Variants in MOSMO observed in about 807,000 individuals in gnomAD.
MOSMO encodes modulator of smoothened protein.
MOSMO carries 5 observed loss-of-function variants against 18.4 expected under a neutral mutation model. The ratio of observed to expected loss-of-function variants is 0.27; its 90% CI spans 0.14 to 0.57. The LOEUF (loss-of-function observed/expected upper bound fraction) is 0.57, where lower values mean the gene tolerates loss of function less well. MOSMO is among the 20% of genes least tolerant of loss of function. The pLI is 0.92. For missense variants in MOSMO, 138 were observed against 211.8 expected (o/e 0.65, Z 2.16); for synonymous variants, 82 against 82.3 (o/e 1.00, Z 0.02).
chr16:22,042,453 A>G (rs545876821), intron 1 of MOSMO, among the ~76,000 whole-genome samples: 1 of 152,284 alleles, frequency 6.6e-6, no homozygotes, highest in East Asian at 1.9e-4. Flanking sequence ...AACTTTATAT[A>G]TTTACTGTAT....
At chr16:22,090,052 T>C, downstream of MOSMO, 1 of 152,126 alleles carries the variant, frequency 6.6e-6, no homozygotes, top group East Asian at 1.9e-4. Context: ...ATGGGGCCAA[T>C]TTCACGTTCT....
chr16:22,008,542 G>C lies in MOSMO; in HGVS notation c.106+135G>C, dbSNP rs1012803037. The C allele has an allele frequency of 8.5e-6, 5 of 586,904 alleles. No homozygotes were observed. The African/African-American group carries it at 9.8e-5, about 11-fold the overall frequency. 36.4% of individuals were successfully genotyped at this position (586,904 alleles called of 1,614,324 possible). A position where few individuals can be genotyped will look rare whatever the true frequency, so the allele number is the denominator to read the frequency against. Reference sequence around the variant, plus strand: ...GCCTGAGGAGACCGGGGGCGGAGGGGAGACCCGGGCCGCGGAGGAAAGGGA... The same window carrying C: ...GCCTGAGGAGACCGGGGGCGGAGGGCAGACCCGGGCCGCGGAGGAAAGGGA... On this transcript the variant is annotated intron_variant, in intron 1 of 2. Transcript: ENST00000542527.
At chr16:22,086,201 AC>A (rs928879166), downstream of MOSMO, 2 of 152,224 alleles carry the variant, frequency 1.3e-5, no homozygotes, top group Admixed American at 6.5e-5. Context: ...GATACTCATA[AC>A]ACAAAAGAAA....
At chr16:22,077,045 T>A (rs1340730896) in intron 2 of MOSMO, among the ~76,000 whole-genome samples, 2 of 152,206 alleles carry the variant, frequency 1.3e-5, no homozygotes, top group Admixed American at 6.5e-5. Flanking sequence ...AGGATATTGA[T>A]GAGAAATTTA....
Position 22,077,279 on chromosome 16 carries a change from T to C in MOSMO, c.319+1580T>C, listed in dbSNP as rs539533340. Among the ~76,000 whole-genome samples, 48 of 152,296 alleles carry C rather than the reference T, an allele frequency of 3.2e-4. 1 individual carries two copies. Among genetic ancestry groups the C allele is most frequent in the Middle Eastern group, 6.8e-3 (2 of 294 alleles). ...TGAGCTATAGATTCTTATGACCCAA[T>C]AAAGGGAAAGAACTAGGATTATCTG... is the stretch of plus-strand genomic sequence containing the variant. On this transcript the variant is annotated intron_variant, in intron 2 of 2. Transcript: ENST00000542527.
chr16:22,008,551 G>A, intron 1 of MOSMO, 144 bp downstream of exon 1: 1 of 567,420 alleles, frequency 1.8e-6, no homozygotes, highest in South Asian at 2.2e-5. Flanking sequence ...GGAGACCCGG[G>A]CCGCGGAGGA....
At chr16:22,058,951 C>T (rs894295662) in intron 1 of MOSMO, among the ~76,000 whole-genome samples, 1 of 152,160 alleles carries the variant, frequency 6.6e-6, no homozygotes, top group Admixed American at 6.5e-5. Context: ...CTTGACAACT[C>T]TTTGGTGACG....
At chr16:22,086,093 T>C (rs999748084), downstream of MOSMO, 8 of 152,206 alleles carry the variant, frequency 5.3e-5, no homozygotes, top group African/African-American at 1.7e-4. Context: ...CATGTGGGCC[T>C]TGGACTTAAG....
chr16:22,030,480 A>T (rs1899970992), intron 1 of MOSMO, among the ~76,000 whole-genome samples: 1 of 152,192 alleles, frequency 6.6e-6, no homozygotes, highest in Non-Finnish European at 1.5e-5. Context: ...ATTATGCATC[A>T]GTACTTTTCT....
downstream of MOSMO, among the ~76,000 whole-genome samples, chr16:22,088,798 T>A: frequency 6.6e-6 from 1 of 152,166 alleles, no homozygotes; most frequent in East Asian, 1.9e-4. Context: ...ACAGCCAGGC[T>A]CCCTGACTTC....
At chr16:22,025,810 A>G (rs899007142) in intron 1 of MOSMO, among the ~76,000 whole-genome samples, 3 of 152,192 alleles carry the variant, frequency 2.0e-5, no homozygotes, top group Admixed American at 6.5e-5. Context: ...CCTGGCATTA[A>G]ATGATGCTGG....
chr16:22,041,634 G>A (rs1342950742), intron 1 of MOSMO, among the ~76,000 whole-genome samples: 7 of 152,014 alleles, frequency 4.6e-5, no homozygotes, highest in Non-Finnish European at 1.0e-4. Context: ...TTAAGCTTCA[G>A]GAAAGAGAAG....
At chr16:22,060,146 C>T (rs1900613551) in intron 1 of MOSMO, among the ~76,000 whole-genome samples, 1 of 151,954 alleles carries the variant, frequency 6.6e-6, no homozygotes, top group Non-Finnish European at 1.5e-5. Flanking sequence ...CACTGCACTC[C>T]AGCCTGGGTG....
intron 1 of MOSMO, among the ~76,000 whole-genome samples, chr16:22,047,390 GC>G (rs1025898449): frequency 6.6e-6 from 1 of 151,642 alleles, no homozygotes; most frequent in African/African-American, 2.4e-5. Flanking sequence ...GACTACAGGC[GC>G]CCGTCACCAC....
chr16:22,085,611 T>C (rs1901157817), downstream of MOSMO: 1 of 152,180 alleles, frequency 6.6e-6, no homozygotes, highest in Non-Finnish European at 1.5e-5. Flanking sequence ...AAATACTTTA[T>C]TTTGACTTAT....
chr16:22,008,431 G>C lies in MOSMO; in HGVS notation c.106+24G>C, dbSNP rs554208333. 185 of 1,258,798 alleles carry C rather than the reference G, an allele frequency of 1.5e-4. 1 individual carries two copies. Among genetic ancestry groups the C allele is most frequent in the East Asian group, 5.8e-4 (15 of 26,014 alleles). The allele number at this position is 1,258,798 out of a possible 1,614,324, so 78.0% of individuals were successfully genotyped here. A position where few individuals can be genotyped will look rare whatever the true frequency, so the allele number is the denominator to read the frequency against. On this transcript the variant is annotated intron_variant, in intron 1 of 2. Transcript: ENST00000542527. The stretch of plus-strand genomic sequence containing the variant: ...GGGTGAGCCGCTGGCGCGCCGGGCC[G>C]GGCGGGGGATTGGCTGAGGGCGACG...
intron 2 of MOSMO, among the ~76,000 whole-genome samples, chr16:22,080,110 A>G (rs1160112092): frequency 2.0e-5 from 3 of 152,326 alleles, no homozygotes; most frequent in African/African-American, 7.2e-5. Context: ...AAATCAGAGT[A>G]AGATAAGTGA....
intron 1 of MOSMO, among the ~76,000 whole-genome samples, chr16:22,042,646 C>T (rs775739937): frequency 6.6e-6 from 1 of 152,180 alleles, no homozygotes; most frequent in Non-Finnish European, 1.5e-5. Context: ...TATATATTTT[C>T]ACACGGGCAC....
intron 1 of MOSMO, among the ~76,000 whole-genome samples, chr16:22,023,602 C>T (rs1899808271): frequency 6.8e-6 from 1 of 147,816 alleles, no homozygotes; most frequent in South Asian, 2.1e-4. Flanking sequence ...CCATCACCTC[C>T]TACTGTGCTC....
Sources: allele counts gnomAD v4.1 joint callset (sites outside exome capture counted in the v4.1 genomes callset), GRCh38; gene constraint gnomAD v4.1.1; transcripts MANE v1.5; gene names NCBI Gene and HGNC (gene_info 2026-07-23, HGNC 2026-07-21).